Variants in MAPT observed in about 807,000 individuals in gnomAD.
MAPT encodes the protein microtubule associated protein tau, also known as microtubule-associated protein tau.
Under a neutral mutation model 67.9 loss-of-function variants are expected in MAPT, and 34 were observed. That is an observed-to-expected ratio of 0.50 (90% CI 0.38 to 0.67). The LOEUF is 0.67. MAPT is among the 30% of genes least tolerant of loss of function. MAPT has a pLI of 0.00. For missense variants in MAPT, 881 were observed against 1,115.2 expected, an observed-to-expected ratio of 0.79 and a Z score of 2.99; for synonymous variants, 456 against 464.5, an observed-to-expected ratio of 0.98 and a Z score of 0.23.
chr17:45,979,814 A>G (rs1224812070), intron 4 of MAPT: 1 of 152,182 alleles, frequency 6.6e-6, no homozygotes, highest in African/African-American at 2.4e-5. Flanking sequence ...TGATGTCTAC[A>G]TGCCCCCAGA....
rs2076707897 is a variant in MAPT at position 46,024,230 on chromosome 17, A to G, written c.*59A>G. 1 of 1,498,540 alleles carries G rather than the reference A, an allele frequency of 6.7e-7. No homozygotes were observed. Among genetic ancestry groups the G allele is most frequent in the Non-Finnish European group, 9.3e-7 (1 of 1,079,944 alleles). 92.8% of individuals were successfully genotyped at this position (1,498,540 alleles called of 1,614,324 possible). A position where few individuals can be genotyped will look rare whatever the true frequency, so the allele number is the denominator to read the frequency against. Reference sequence around the variant, plus strand: ...GGAGAGAATGAGAGAGTGTGGAAAAAAAAAGAATAATGACCCGGCCCCCGC... The same window carrying G: ...GGAGAGAATGAGAGAGTGTGGAAAAGAAAAGAATAATGACCCGGCCCCCGC... On this transcript the variant is annotated 3_prime_UTR_variant, in exon 13 of 13. Coordinates refer to ENST00000262410, the MANE Select transcript of MAPT (RefSeq NM_001377265.1).
At chr17:45,903,672 A>G (rs780737218) in intron 1 of MAPT, among the ~76,000 whole-genome samples, 87 of 130,606 alleles carry the variant, frequency 6.7e-4, no homozygotes, top group Non-Finnish European at 9.7e-4. Flanking sequence ...CCGAGATCGC[A>G]CCACTGCACT....
intron 1 of MAPT, among the ~76,000 whole-genome samples, chr17:45,926,670 T>C (rs2066322182): frequency 6.6e-6 from 1 of 152,146 alleles, no homozygotes; most frequent in Non-Finnish European, 1.5e-5. Flanking sequence ...AATTCACATA[T>C]GGACTTATAA....
At chr17:45,929,159 G>T (rs2066628663) in intron 1 of MAPT, among the ~76,000 whole-genome samples, 1 of 152,258 alleles carries the variant, frequency 6.6e-6, no homozygotes, top group South Asian at 2.1e-4. Context: ...GGATGGTAAG[G>T]ATATTTTCCT....
At chr17:45,978,516 A>G in intron 4 of MAPT, 76 bp downstream of exon 4, 1 of 1,208,736 alleles carries the variant, frequency 8.3e-7, no homozygotes, top group Non-Finnish European at 1.2e-6. Flanking sequence ...CCCTGAAAAG[A>G]TCATTTGGAC....
At position 45,989,907 on chromosome 17, in the gene MAPT, G is replaced by GA. The variant is rs756404184; in HGVS notation, c.1442dup (p.Asn481LysfsTer2). The GA allele has an allele frequency of 6.2e-7, 1 of 1,614,078 alleles. No individual in the cohort carries two copies. The highest frequency in any genetic ancestry group is 8.5e-7 in the Non-Finnish European group (1 of 1,180,010). ...CCACACGTTCCTCTGCTAAAACCTT[G>GA]AAAAATAGGCCTTGCCTTAGCCCCA... On this transcript the variant is annotated frameshift_variant, in exon 7 of 13. Transcript: ENST00000262410. LOFTEE classifies it high-confidence loss of function.
In MAPT at chr17:45,962,347, C is replaced by A. The variant is rs974837695; in HGVS notation, c.10C>A (p.Pro4Thr). ...TGAACTTTGAACCAGGATGGCTGAG[C>A]CCCGCCAGGAGTTCGAAGTGATGGA... is the stretch of plus-strand genomic sequence containing the variant. MAE[P>T]RQEFEVMEDH... is the part of the protein sequence containing the mutation. The change falls in exon 2 of 13, where the codon CCC becomes ACC. Residue 4 changes from proline to threonine, a missense_variant. Physicochemically the swap from Pro to Thr is conservative, Grantham distance 38. This residue lies in a region of MAPT where 687 missense variants were observed against 766.1 expected (regional missense o/e 0.90). Transcript: ENST00000262410. The A allele has an allele frequency of 1.2e-5, 20 of 1,611,828 alleles. No homozygotes were observed. The highest frequency in any genetic ancestry group is 1.0e-4 in the Admixed American group (6 of 59,958).
At chr17:46,001,548 A>G (rs2075001846) in intron 9 of MAPT, among the ~76,000 whole-genome samples, 1 of 152,230 alleles carries the variant, frequency 6.6e-6, no homozygotes, top group African/African-American at 2.4e-5. Flanking sequence ...CTGTAATCCC[A>G]ACACTTTGGG....
chr17:45,972,174 G>A (rs1269855109), intron 3 of MAPT: 1 of 682,550 alleles, frequency 1.5e-6, no homozygotes, highest in Non-Finnish European at 2.7e-6. Context: ...AGCCACCCTT[G>A]GACAGTCCCG....
At chr17:45,926,080 A>G (rs56197117) in intron 1 of MAPT, among the ~76,000 whole-genome samples, 21,812 of 152,024 alleles carry the variant, frequency 0.14, 2,141 homozygotes, top group Middle Eastern at 0.22. Flanking sequence ...GTGTGGTGGC[A>G]CACATCTGTA....
chr17:45,958,536 C>T (rs780882610), intron 1 of MAPT, among the ~76,000 whole-genome samples: 1 of 151,968 alleles, frequency 6.6e-6, no homozygotes, highest in African/African-American at 2.4e-5. Flanking sequence ...GCCTGAGCAA[C>T]ATGGTGAAAC....
chr17:45,900,209 T>C (rs1429836209), intron 1 of MAPT, among the ~76,000 whole-genome samples: 1 of 152,226 alleles, frequency 6.6e-6, no homozygotes, highest in Non-Finnish European at 1.5e-5. Flanking sequence ...TATTCCATTA[T>C]ACTGTGGTAC....
intron 8 of MAPT, among the ~76,000 whole-genome samples, chr17:45,994,882 T>C (rs947865884): frequency 1.2e-4 from 18 of 151,886 alleles, no homozygotes; most frequent in Admixed American, 9.8e-4. Flanking sequence ...AATAAGTCTC[T>C]ACTAAAAATA....
rs950608795 is a variant in MAPT, at chr17:45,942,710, G to A, written c.-17-19611G>A. ...GCTGTTTAGTTTGAAAATACAAACA[G>A]GAGACAGAAAAGTTTGGCTAAATTA... is the stretch of plus-strand genomic sequence containing the variant. On this transcript the variant is annotated intron_variant, in intron 1 of 12. Coordinates refer to ENST00000262410, the MANE Select transcript of MAPT (RefSeq NM_001377265.1). Among the ~76,000 whole-genome samples, 5 of 152,244 alleles carry A rather than the reference G, an allele frequency of 3.3e-5. No homozygotes were observed. The South Asian group carries it at 8.3e-4, about 25-fold the overall frequency.
In MAPT at chr17:45,983,956, C is replaced by T. The variant is rs767784491; in HGVS notation, c.1351+26C>T. 22 of 1,522,456 alleles carry T rather than the reference C, an allele frequency of 1.4e-5. 1 individual carries two copies. The Middle Eastern group carries it at 1.4e-3, about 99-fold the overall frequency. The allele number at this position is 1,522,456 out of a possible 1,614,324, so 94.3% of individuals were successfully genotyped here. A position where few individuals can be genotyped will look rare whatever the true frequency, so the allele number is the denominator to read the frequency against. ...GTCTGTGTCTTGAGCTTCTTCGCTC[C>T]TTCCCTGGGGACCTCCCAGGCCTCC... On this transcript the variant is annotated intron_variant, in intron 5 of 12. Coordinates refer to ENST00000262410, the MANE Select transcript of MAPT (RefSeq NM_001377265.1).
At chr17:45,962,725 A>T (rs942326737) in intron 2 of MAPT, among the ~76,000 whole-genome samples, 1 of 152,190 alleles carries the variant, frequency 6.6e-6, no homozygotes, top group Non-Finnish European at 1.5e-5. Context: ...CAGGAATTTG[A>T]GACCGGCCTG....
At chr17:46,004,736 T>A (rs1162064823) in intron 9 of MAPT, among the ~76,000 whole-genome samples, 1 of 152,196 alleles carries the variant, frequency 6.6e-6, no homozygotes, top group East Asian at 1.9e-4. Context: ...TTTTGTGGGG[T>A]TAGAACAAGA....
Position 45,983,047 on chromosome 17 carries a change from C to T in MAPT, c.468C>T (p.Pro156=). The change falls in exon 5 of 13, where the codon CCC becomes CCT. Residue 156 remains proline, a synonymous_variant. Coordinates refer to ENST00000262410, the MANE Select transcript of MAPT (RefSeq NM_001377265.1). ...PLTASLPQHR[P]VCPAPPPTGG... ...CCGCGAGCCTTCCTCAGCACCGTCC[C>T]GTTTGCCCAGCGCCTCCTCCAACAG... 6.6e-7 allele frequency: 1 copy of T among 1,518,708 alleles called. No individual in the cohort carries two copies. The highest frequency in any genetic ancestry group is 8.9e-7 in the Non-Finnish European group (1 of 1,129,392). The allele number at this position is 1,518,708 out of a possible 1,614,324, so 94.1% of individuals were successfully genotyped here.
intron 12 of MAPT, among the ~76,000 whole-genome samples, chr17:46,023,046 T>A (rs2076627307): frequency 6.6e-6 from 1 of 152,232 alleles, no homozygotes; most frequent in Admixed American, 6.5e-5. Context: ...TCCAAACTCA[T>A]CAGTCACTGG....
Sources: allele counts gnomAD v4.1 joint callset (sites outside exome capture counted in the v4.1 genomes callset), GRCh38; gene constraint gnomAD v4.1.1; regional missense constraint gnomAD v4.1.1; transcripts MANE v1.5; gene names NCBI Gene and HGNC (gene_info 2026-07-23, HGNC 2026-07-21).